VAV1: variants seen among roughly 807,000 people sequenced by gnomAD.
VAV1 encodes the protein proto-oncogene vav.
A neutral mutation model predicts 128.1 loss-of-function variants in VAV1; 33 were observed. The ratio of observed to expected loss-of-function variants is 0.26; its 90% confidence interval spans 0.20 to 0.34. The LOEUF (loss-of-function observed/expected upper bound fraction) is 0.34, where lower values mean the gene tolerates loss of function less well. Ranked by LOEUF, VAV1 falls within the 10% of genes least tolerant of loss-of-function variation. VAV1 has a pLI of 1.00. For synonymous variants in VAV1, 394 were observed against 409.8 expected (o/e 0.96, Z 0.47); for missense variants, 715 against 1,093.7 (o/e 0.65, Z 4.88).
At chr19:6,783,470 C>CTTTTTTT (rs61101390) in intron 1 of VAV1, among the ~76,000 whole-genome samples, 17 of 113,794 alleles carry the variant, frequency 1.5e-4, no homozygotes, top group African/African-American at 2.6e-4. Context: ...CACCTCCATC[C>CTTTTTTT]TTTTTTTTTT....
intron 26 of VAV1, among the ~76,000 whole-genome samples, chr19:6,855,716 C>A (rs940246850): frequency 6.6e-6 from 1 of 151,930 alleles, no homozygotes; most frequent in Non-Finnish European, 1.5e-5. Context: ...CTCACCAGTC[C>A]ATTAATTCAT....
At chr19:6,774,600 A>G (rs924161487) in intron 1 of VAV1, among the ~76,000 whole-genome samples, 7 of 149,968 alleles carry the variant, frequency 4.7e-5, no homozygotes, top group African/African-American at 1.5e-4. Flanking sequence ...ACACCTGGCT[A>G]ATTTTTGTAT....
chr19:6,804,191 C>T (rs545893180), intron 1 of VAV1, among the ~76,000 whole-genome samples: 9 of 151,648 alleles, frequency 5.9e-5, no homozygotes, highest in South Asian at 2.1e-4. Context: ...GAGAATGTGA[C>T]GCACGGCAGG....
intron 1 of VAV1, among the ~76,000 whole-genome samples, chr19:6,803,755 G>A (rs1971324502): frequency 6.6e-6 from 1 of 152,058 alleles, no homozygotes; most frequent in African/African-American, 2.4e-5. Context: ...AGTAGAGATG[G>A]GATTTCACCA....
In VAV1 at chr19:6,842,766, C is replaced by T. The variant is rs756491277; in HGVS notation, c.1981-369C>T. Among the ~76,000 whole-genome samples, 169 of 151,894 alleles carry T rather than the reference C, an allele frequency of 1.1e-3. 2 individuals are homozygous for T. Among genetic ancestry groups the T allele is most frequent in the Non-Finnish European group, 7.9e-4 (54 of 67,986 alleles). On this transcript the variant is annotated intron_variant, in intron 21 of 26. Coordinates refer to ENST00000602142, the MANE Select transcript of VAV1 (RefSeq NM_005428.4). ...AGAGGATCGCTTGAACCTGGGAGAT[C>T]GAGGCTGCAGTGAGCTATGATCATA...
At position 6,854,060 on chromosome 19, in the gene VAV1, G is replaced by A. The variant is rs745431526; in HGVS notation, c.2446G>A (p.Gly816Arg). The A allele has an allele frequency of 1.2e-6, 2 of 1,613,734 alleles. No individual in the cohort carries two copies. Among genetic ancestry groups the A allele is most frequent in the East Asian group, 4.5e-5 (2 of 44,890 alleles). Residue 816 changes from glycine (G) to arginine (R), a missense_variant, in exon 26 of 27, where the codon GGA (glycine) becomes AGA (arginine). Coordinates refer to ENST00000602142, the MANE Select transcript of VAV1 (RefSeq NM_005428.4). ...CATCATCAAGATCCTTAACAAGAAG[G>A]GACAGCAAGGCTGGTGGCGAGGGGA... is the stretch of plus-strand genomic sequence containing the variant. ...GDIIKILNKKGQQGWWRGEIY... is the reference protein window; with the variant it reads ...GDIIKILNKKRQQGWWRGEIY...
intron 1 of VAV1, among the ~76,000 whole-genome samples, chr19:6,784,410 C>G (rs1250796873): frequency 6.6e-6 from 1 of 151,854 alleles, no homozygotes; most frequent in African/African-American, 2.4e-5. Context: ...AAAACCTCCT[C>G]TTACCTTGCC....
Position 6,829,772 on chromosome 19 carries a change from A to G in VAV1, c.1266-14A>G. ...GGGAAGAGCCAGACAGGAATGCGTT[A>G]TCCATCCTTCCAGGTATGCCTTCCT... On this transcript the variant is annotated splice_polypyrimidine_tract_variant and intron_variant, in intron 13 of 26. Coordinates refer to ENST00000602142, the MANE Select transcript of VAV1 (RefSeq NM_005428.4). 6.2e-7 allele frequency: 1 copy of G among 1,613,978 alleles called. No individual in the cohort carries two copies. Among genetic ancestry groups the G allele is most frequent in the Non-Finnish European group, 8.5e-7 (1 of 1,179,902 alleles).
rs1467085835 is a variant in VAV1 at position 6,777,949 on chromosome 19, T to G, written c.204+4938T>G. ...CTGAGTATCTGGGATTACAGGCGCCTGCCACCACGCCTGGCTAATTTCTGT... is the reference window on the plus strand; with the variant it reads ...CTGAGTATCTGGGATTACAGGCGCCGGCCACCACGCCTGGCTAATTTCTGT... On this transcript the variant is annotated intron_variant, in intron 1 of 26. Coordinates refer to ENST00000602142, the MANE Select transcript of VAV1 (RefSeq NM_005428.4). This position sits in a 1 kb window ranked among gnomAD's most constrained non-coding sequence, Gnocchi z 4.4. Among the ~76,000 whole-genome samples the G allele has an allele frequency of 6.6e-6, 1 of 152,058 alleles. No individual in the cohort carries two copies. The highest frequency in any genetic ancestry group is 1.5e-5 in the Non-Finnish European group (1 of 67,988).
intron 26 of VAV1, 130 bp from the exon 27 acceptor site, chr19:6,856,924 G>A: frequency 1.3e-6 from 1 of 747,162 alleles, no homozygotes. Flanking sequence ...TGGGTGATGT[G>A]TTTTCTGGGA....
chr19:6,808,222 G>A (rs1353163191), intron 1 of VAV1, among the ~76,000 whole-genome samples: 4 of 151,702 alleles, frequency 2.6e-5, no homozygotes, highest in Admixed American at 6.6e-5. Context: ...TGAAGGAGGA[G>A]AATCGCTTGA....
intron 1 of VAV1, among the ~76,000 whole-genome samples, chr19:6,804,448 G>A (rs1971342019): frequency 6.6e-6 from 1 of 151,918 alleles, no homozygotes; most frequent in Admixed American, 6.6e-5. Flanking sequence ...ACAGAGTCTT[G>A]CTCTGTCGCC....
chr19:6,846,056 T>C (rs1214497436), intron 22 of VAV1, among the ~76,000 whole-genome samples: 1 of 148,972 alleles, frequency 6.7e-6, no homozygotes, highest in Non-Finnish European at 1.5e-5. Context: ...ATATATTATG[T>C]ATAATTAATA....
chr19:6,832,345 G>A, intron 15 of VAV1, 145 bp downstream of exon 15: 3 of 749,178 alleles, frequency 4.0e-6, no homozygotes, highest in Middle Eastern at 2.4e-4. Flanking sequence ...AAGAGGGACA[G>A]GCCCAAGGCT....
Position 6,828,917 on chromosome 19 carries a change from T to A in VAV1, c.1265+17T>A, listed in dbSNP as rs372031371. ...GATGGACAGGTGGGTGGAGTCAACA[T>A]GGATCTGGGATGGAGCCTGGGCAAA... On this transcript the variant is annotated intron_variant, in intron 13 of 26. Transcript: ENST00000602142. This position sits in a 1 kb window ranked among gnomAD's most constrained non-coding sequence, Gnocchi z 4.5. 3 of 1,610,842 alleles carry A rather than the reference T, an allele frequency of 1.9e-6. No individual in the cohort carries two copies. The highest frequency in any genetic ancestry group is 2.7e-5 in the African/African-American group (2 of 74,268).
At chr19:6,827,660 G>A (rs749160383) in intron 9 of VAV1, among the ~76,000 whole-genome samples, 32 of 152,094 alleles carry the variant, frequency 2.1e-4, no homozygotes, top group Middle Eastern at 6.8e-3. Flanking sequence ...GTGAAGTGGT[G>A]TGATCTCAGC....
chr19:6,844,054 C>CTTCTTCTTCTTTTTTTT (rs1972448491), intron 22 of VAV1, among the ~76,000 whole-genome samples: 2 of 18,934 alleles, frequency 1.1e-4, no homozygotes, highest in African/African-American at 2.6e-4. Context: ...TTCTTTTCTT[C>CTTCTTCTTCTTTTTTTT]TTCTTCTTCT....
intron 1 of VAV1, among the ~76,000 whole-genome samples, chr19:6,776,452 C>T (rs745400668): frequency 1.4e-5 from 2 of 147,518 alleles, no homozygotes; most frequent in Non-Finnish European, 3.0e-5. Context: ...ATCCACCCAC[C>T]CATCCACCCA....
chr19:6,803,770 G>A (rs1388693393), intron 1 of VAV1, among the ~76,000 whole-genome samples: 1 of 152,038 alleles, frequency 6.6e-6, no homozygotes, highest in Non-Finnish European at 1.5e-5. Context: ...TCACCATGTT[G>A]GCCAGGCTGG....
Sources: allele counts gnomAD v4.1 joint callset (sites outside exome capture counted in the v4.1 genomes callset), GRCh38; gene constraint gnomAD v4.1.1; non-coding constraint Gnocchi (gnomAD v3.1); transcripts MANE v1.5; gene names NCBI Gene and HGNC (gene_info 2026-07-23, HGNC 2026-07-21).